ACAN: variants seen among roughly 807,000 people sequenced by gnomAD.
ACAN encodes aggrecan, also known as aggrecan core protein.
ACAN carries 47 observed loss-of-function variants against 169.1 expected under a neutral mutation model. The observed-to-expected ratio is 0.28, with a 90% CI of 0.22 to 0.35. The LOEUF (loss-of-function observed/expected upper bound fraction) is 0.35, where lower values mean the gene tolerates loss of function less well. ACAN is among the 10% of genes least tolerant of loss of function. The probability of loss-of-function intolerance (pLI) is 1.00; values close to 1 mark genes in which losing one functional copy is unlikely to be tolerated. For missense variants in ACAN, 2,716 were observed against 2,759.9 expected, an observed-to-expected ratio of 0.98 and a Z score of 0.36; for synonymous variants, 1,115 against 1,112.2, an observed-to-expected ratio of 1.00 and a Z score of -0.05.
chr15:88,835,111 C>A (rs1896469087), intron 1 of ACAN, among the ~76,000 whole-genome samples: 1 of 152,168 alleles, frequency 6.6e-6, no homozygotes, highest in Admixed American at 6.5e-5. Flanking sequence ...AATTTCTCTC[C>A]TAAAATATTA....
intron 1 of ACAN, among the ~76,000 whole-genome samples, chr15:88,825,273 G>T (rs1189544526): frequency 6.6e-6 from 1 of 152,108 alleles, no homozygotes; most frequent in African/African-American, 2.4e-5. Flanking sequence ...CCTCCAGCAG[G>T]ATCAGACTAC....
At chr15:88,826,355 G>T (rs1186572388) in intron 1 of ACAN, among the ~76,000 whole-genome samples, 3 of 148,542 alleles carry the variant, frequency 2.0e-5, no homozygotes, top group Non-Finnish European at 4.5e-5. Context: ...CAGGGCATTT[G>T]TATAGTGGCC....
At chr15:88,828,078 C>G (rs747284001) in intron 1 of ACAN, among the ~76,000 whole-genome samples, 7 of 152,138 alleles carry the variant, frequency 4.6e-5, no homozygotes, top group Non-Finnish European at 7.3e-5. Context: ...TTGGTCATAA[C>G]AACAAGAAAT....
At chr15:88,812,259 T>C (rs1000367190) in intron 1 of ACAN, among the ~76,000 whole-genome samples, 18 of 152,262 alleles carry the variant, frequency 1.2e-4, no homozygotes, top group African/African-American at 3.9e-4. Context: ...GTACACCAGA[T>C]AAGGCTGATG....
rs1020482780 is a variant in ACAN, at chr15:88,874,341, G to T, written c.7631-64G>T. ...AGGGAGAGAGGGTAGTCTGGGGAGAGCCTGGGCTCGCCCCACTTTCTTTCC... is the reference window on the plus strand; with the variant it reads ...AGGGAGAGAGGGTAGTCTGGGGAGATCCTGGGCTCGCCCCACTTTCTTTCC... On this transcript the variant is annotated intron_variant, in intron 18 of 18. Coordinates refer to ENST00000560601, the MANE Select transcript of ACAN (RefSeq NM_001369268.1). The surrounding 1 kb of genome is among the most constrained non-coding windows in gnomAD (Gnocchi z 7.3). 1.4e-6 allele frequency: 2 copies of T among 1,456,416 alleles called. No individual in the cohort carries two copies. The highest frequency in any genetic ancestry group is 1.4e-5 in the African/African-American group (1 of 71,060). 90.2% of individuals were successfully genotyped at this position (1,456,416 alleles called of 1,614,324 possible).
At chr15:88,826,129 A>G (rs936052710) in intron 1 of ACAN, among the ~76,000 whole-genome samples, 2 of 152,212 alleles carry the variant, frequency 1.3e-5, no homozygotes, top group Non-Finnish European at 2.9e-5. Context: ...AGAAAAGGTT[A>G]GAGACTCAGC....
At chr15:88,840,945 C>T (rs1025127942) in intron 4 of ACAN, among the ~76,000 whole-genome samples, 4 of 152,200 alleles carry the variant, frequency 2.6e-5, no homozygotes, top group Non-Finnish European at 5.9e-5. Context: ...GAGATCGAGA[C>T]CATCCTAGCT....
chr15:88,861,388 T>C lies in ACAN; in HGVS notation c.6946+949T>C, dbSNP rs1211475045. 1.3e-5 allele frequency among the ~76,000 whole-genome samples: 2 copies of C among 152,120 alleles called. No homozygotes were observed. Among genetic ancestry groups the C allele is most frequent in the East Asian group, 1.9e-4 (1 of 5,192 alleles). ...AACAATCACTTCCACGTAAACCTCA[T>C]GTCGGGCAATTATCCTTCGATAGCC... On this transcript the variant is annotated intron_variant, in intron 13 of 18. Coordinates refer to ENST00000560601, the MANE Select transcript of ACAN (RefSeq NM_001369268.1). The surrounding 1 kb of genome is among the most constrained non-coding windows in gnomAD (Gnocchi z 6.3).
At chr15:88,805,930 G>A (rs753089793) in intron 1 of ACAN, among the ~76,000 whole-genome samples, 178 of 152,232 alleles carry the variant, frequency 1.2e-3, no homozygotes, top group Non-Finnish European at 2.4e-3. Context: ...AAGGCAGAGC[G>A]TTCTCCTCCT....
At chr15:88,804,125 GA>G (rs1895615179) in intron 1 of ACAN, among the ~76,000 whole-genome samples, 1 of 152,200 alleles carries the variant, frequency 6.6e-6, no homozygotes, top group African/African-American at 2.4e-5. Flanking sequence ...CTAGGGTCTG[GA>G]AAGACCCATG....
At position 88,851,480 on chromosome 15, in the gene ACAN, A is replaced by C. The variant is rs1373034151; in HGVS notation, c.2027-314A>C. ...CCCATCTGTAAAATGAGATAATCAT[A>C]TCTCTCTCATAAAGCTGTTGTGAGA... On this transcript the variant is annotated intron_variant, in intron 10 of 18. Coordinates refer to ENST00000560601, the MANE Select transcript of ACAN (RefSeq NM_001369268.1). The surrounding 1 kb of genome is among the most constrained non-coding windows in gnomAD (Gnocchi z 4.3). 1.5e-5 allele frequency: 4 copies of C among 258,382 alleles called. No homozygotes were observed. Among genetic ancestry groups the C allele is most frequent in the Middle Eastern group, 1.2e-3 (1 of 820 alleles). 16.0% of individuals were successfully genotyped at this position (258,382 alleles called of 1,614,324 possible).
Position 88,872,221 on chromosome 15 carries a change from A to G in ACAN, c.7302+136A>G. ...GGACCGGGAACCCTTGAGGGCAGGG[A>G]TTATCTCCTTCATCTCTGCCTCTGG... On this transcript the variant is annotated intron_variant, in intron 16 of 18. Transcript: ENST00000560601. The surrounding 1 kb of genome is among the most constrained non-coding windows in gnomAD (Gnocchi z 5.4). 1 of 729,260 alleles carries G rather than the reference A, an allele frequency of 1.4e-6. No individual in the cohort carries two copies. Among genetic ancestry groups the G allele is most frequent in the Non-Finnish European group, 2.3e-6 (1 of 429,518 alleles). 45.2% of individuals were successfully genotyped at this position (729,260 alleles called of 1,614,324 possible).
Position 88,868,419 on chromosome 15 carries a change from C to T in ACAN, c.7060+90C>T. ...TCCCTCCTAACAACAGGCTCCAGGC[C>T]CTGGCTGGGGCCCCCGAGGTTCATC... On this transcript the variant is annotated intron_variant, in intron 14 of 18. Coordinates refer to ENST00000560601, the MANE Select transcript of ACAN (RefSeq NM_001369268.1). This position sits in a 1 kb window ranked among gnomAD's most constrained non-coding sequence, Gnocchi z 5.2. 2 of 615,658 alleles carry T rather than the reference C, an allele frequency of 3.2e-6. No homozygotes were observed. The highest frequency in any genetic ancestry group is 5.9e-6 in the Non-Finnish European group (2 of 341,660). The allele number at this position is 615,658 out of a possible 1,614,324, so 38.1% of individuals were successfully genotyped here.
At position 88,857,272 on chromosome 15, in the gene ACAN, G is replaced by C. The variant is rs771449137; in HGVS notation, c.4687G>C (p.Gly1563Arg). 2 of 1,613,930 alleles carry C rather than the reference G, an allele frequency of 1.2e-6. No individual in the cohort carries two copies. The highest frequency in any genetic ancestry group is 2.2e-5 in the East Asian group (1 of 44,886). ...TCTAGAGACCTCTGCTTCTGAAGTA[G>C]GGACTGACCTCAGTGGGCTTCCTTC... ...EGLETSASEVGTDLSGLPSGR... is the reference protein window; with the variant it reads ...EGLETSASEVRTDLSGLPSGR... The change falls in exon 12 of 19, where the codon GGG (glycine) becomes CGG (arginine). Residue 1563 changes from glycine (G) to arginine (R), a missense_variant. By Grantham distance (125) the Gly-to-Arg change is moderately radical (BLOSUM62 -2). Transcript: ENST00000560601.
intron 1 of ACAN, among the ~76,000 whole-genome samples, chr15:88,821,741 C>A (rs1025573194): frequency 1.3e-5 from 2 of 152,106 alleles, no homozygotes; most frequent in African/African-American, 2.4e-5. Context: ...TCCACTCAGC[C>A]AACACTGAAC....
chr15:88,860,418 A>C lies in ACAN; in HGVS notation c.6925A>C (p.Thr2309Pro). The C allele has an allele frequency of 6.2e-7, 1 of 1,613,576 alleles. No homozygotes were observed. The highest frequency in any genetic ancestry group is 8.5e-7 in the Non-Finnish European group (1 of 1,179,750). ...HVICLCPPGY[T>P]GEHCNIDIDE... is the part of the protein sequence containing the mutation. Reference sequence around the variant, plus strand: ...CATATGCCTGTGCCCCCCTGGCTACACTGGCGAGCACTGTAACATAGGTAA... The same window carrying C: ...CATATGCCTGTGCCCCCCTGGCTACCCTGGCGAGCACTGTAACATAGGTAA... Residue 2309 changes from threonine to proline, a missense_variant, in exon 13 of 19, where the codon ACT (threonine) becomes CCT (proline). By Grantham distance (38) the Thr-to-Pro change is conservative. Coordinates refer to ENST00000560601, the MANE Select transcript of ACAN (RefSeq NM_001369268.1).
rs754952252 is a variant in ACAN at position 88,873,987 on chromosome 15, C to T, written c.7593C>T (p.Ser2531=). 9 of 1,612,578 alleles carry T rather than the reference C, an allele frequency of 5.6e-6. No homozygotes were observed. Among genetic ancestry groups the T allele is most frequent in the East Asian group, 2.2e-5 (1 of 44,890 alleles). Residue 2531 remains serine (S), a synonymous_variant, in exon 18 of 19, where the codon AGC becomes AGT. Transcript: ENST00000560601. This position sits in a 1 kb window ranked among gnomAD's most constrained non-coding sequence, Gnocchi z 7.5. ...TGCCCACCATCCGGTGCCAGCCCAG[C>T]GGGCACTGGGAGGAGCCTCAGATCA... ...RHMPTIRCQP[S]GHWEEPQITC...
In ACAN at chr15:88,872,474, G is replaced by A. The variant is rs1015966471; in HGVS notation, c.7302+389G>A. Among the ~76,000 whole-genome samples the A allele has an allele frequency of 1.3e-5, 2 of 152,134 alleles. No homozygotes were observed. Among genetic ancestry groups the A allele is most frequent in the Non-Finnish European group, 2.9e-5 (2 of 68,026 alleles). ...ATTCTCTTTGTCCTGAAGCAAGGCT[G>A]GAAGGATAAGTCTTGGGAGGACTTC... On this transcript the variant is annotated intron_variant, in intron 16 of 18. Coordinates refer to ENST00000560601, the MANE Select transcript of ACAN (RefSeq NM_001369268.1). The surrounding 1 kb of genome is among the most constrained non-coding windows in gnomAD (Gnocchi z 5.4).
chr15:88,824,017 T>C (rs1490373509), intron 1 of ACAN, among the ~76,000 whole-genome samples: 1 of 152,056 alleles, frequency 6.6e-6, no homozygotes, highest in African/African-American at 2.4e-5. Flanking sequence ...TCAACAGTTA[T>C]GATCGGTCTT....
Sources: allele counts gnomAD v4.1 joint callset (sites outside exome capture counted in the v4.1 genomes callset), GRCh38; gene constraint gnomAD v4.1.1; non-coding constraint Gnocchi (gnomAD v3.1); transcripts MANE v1.5; gene names NCBI Gene and HGNC (gene_info 2026-07-23, HGNC 2026-07-21).